The following CHRNA7 variants were observed in gnomAD, a reference collection of about 807,000 sequenced individuals.
CHRNA7 encodes neuronal acetylcholine receptor subunit alpha-7.
A neutral mutation model predicts 48.0 loss-of-function variants in CHRNA7; 17 were observed. That is an observed-to-expected ratio of 0.35 (90% confidence interval 0.24 to 0.53). The LOEUF (loss-of-function observed/expected upper bound fraction) is 0.53, where lower values mean the gene tolerates loss of function less well. Among genes scored for constraint, CHRNA7 ranks in the 20% least tolerant of loss-of-function variants. The pLI is 0.92. For missense variants in CHRNA7, 155 were observed against 577.7 expected, an observed-to-expected ratio of 0.27 and a Z score of 7.50; for synonymous variants, 75 against 242.3, an observed-to-expected ratio of 0.31 and a Z score of 6.41.
chr15:32,140,644 G>A (rs1221130523), intron 4 of CHRNA7, among the ~76,000 whole-genome samples: 1 of 152,206 alleles, frequency 6.6e-6, no homozygotes, highest in Non-Finnish European at 1.5e-5. Context: ...GTATCTCATT[G>A]TGGTTTGGAT....
chr15:32,148,773 A>G (rs1353533893), intron 4 of CHRNA7, among the ~76,000 whole-genome samples: 1 of 152,224 alleles, frequency 6.6e-6, no homozygotes, highest in Non-Finnish European at 1.5e-5. Flanking sequence ...TGGTGTAAGC[A>G]AACACCATGA....
At chr15:32,086,069 T>C (rs2050290402) in intron 2 of CHRNA7, among the ~76,000 whole-genome samples, 1 of 152,164 alleles carries the variant, frequency 6.6e-6, no homozygotes, top group Non-Finnish European at 1.5e-5. Flanking sequence ...TCAAGTTTTC[T>C]TTAAAGATAA....
At chr15:32,073,012 A>G (rs2050082246) in intron 2 of CHRNA7, among the ~76,000 whole-genome samples, 1 of 152,140 alleles carries the variant, frequency 6.6e-6, no homozygotes, top group African/African-American at 2.4e-5. Flanking sequence ...AGCTGTAGGA[A>G]GGGGGCAACC....
chr15:32,108,138 C>A (rs562062116), intron 3 of CHRNA7, among the ~76,000 whole-genome samples: 1 of 152,174 alleles, frequency 6.6e-6, no homozygotes, highest in East Asian at 1.9e-4. Flanking sequence ...CATCCACACA[C>A]ATTTAGAGTT....
At chr15:32,039,275 T>G (rs960830353) in intron 2 of CHRNA7, among the ~76,000 whole-genome samples, 7 of 152,178 alleles carry the variant, frequency 4.6e-5, no homozygotes, top group Non-Finnish European at 1.0e-4. Flanking sequence ...TCTACTCTAA[T>G]TTTTAGTATT....
intron 4 of CHRNA7, among the ~76,000 whole-genome samples, chr15:32,148,780 A>G (rs1312444017): frequency 6.6e-6 from 1 of 152,232 alleles, no homozygotes; most frequent in African/African-American, 2.4e-5. Context: ...AGCAAACACC[A>G]TGATCCAGGC....
intron 2 of CHRNA7, among the ~76,000 whole-genome samples, chr15:32,038,050 G>T (rs959212937): frequency 6.3e-5 from 4 of 63,808 alleles, no homozygotes; most frequent in African/African-American, 8.6e-5. Context: ...TAGGTTTTTT[G>T]GATATGTATA....
chr15:32,056,536 A>C (rs1026061709), intron 2 of CHRNA7, among the ~76,000 whole-genome samples: 2 of 152,166 alleles, frequency 1.3e-5, no homozygotes, highest in African/African-American at 4.8e-5. Flanking sequence ...TAATTATTTA[A>C]TGTGTGTATG....
chr15:32,061,266 C>G (rs1485120024), intron 2 of CHRNA7, among the ~76,000 whole-genome samples: 1 of 152,060 alleles, frequency 6.6e-6, no homozygotes, highest in Admixed American at 6.6e-5. Flanking sequence ...TGGGAGGAAG[C>G]CAGGTAGTGG....
chr15:32,089,108 C>T (rs2050343615), intron 2 of CHRNA7, among the ~76,000 whole-genome samples: 1 of 152,236 alleles, frequency 6.6e-6, no homozygotes, highest in East Asian at 1.9e-4. Context: ...AGAATAAGAT[C>T]TATGTTGAAT....
At chr15:32,125,904 A>C (rs2051057952) in intron 4 of CHRNA7, among the ~76,000 whole-genome samples, 1 of 152,088 alleles carries the variant, frequency 6.6e-6, no homozygotes, top group Non-Finnish European at 1.5e-5. Flanking sequence ...GGAAGTCATG[A>C]ATTTCAGCCC....
chr15:32,031,187 C>A, intron 2 of CHRNA7, 150 bp downstream of exon 2: 1 of 889,704 alleles, frequency 1.1e-6, no homozygotes. Context: ...AGTCTGTCCC[C>A]AGCCTGCCCT....
chr15:32,069,414 G>A (rs920530086), intron 2 of CHRNA7, among the ~76,000 whole-genome samples: 3 of 152,210 alleles, frequency 2.0e-5, no homozygotes, highest in Non-Finnish European at 4.4e-5. Context: ...GGGAGGCTGA[G>A]GCAGGAGGAT....
intron 4 of CHRNA7, chr15:32,112,485 C>G (rs1595460313): frequency 2.6e-6 from 1 of 378,402 alleles, no homozygotes; most frequent in Admixed American, 3.0e-5. Flanking sequence ...TAAACCAAGA[C>G]AGTCTGACTT....
At chr15:32,078,146 C>G (rs1035875615) in intron 2 of CHRNA7, among the ~76,000 whole-genome samples, 1 of 152,132 alleles carries the variant, frequency 6.6e-6, no homozygotes, top group African/African-American at 2.4e-5. Flanking sequence ...TTGTCTCTTT[C>G]AATTACTTTC....
At chr15:32,068,866 A>G (rs553629291) in intron 2 of CHRNA7, among the ~76,000 whole-genome samples, 80 of 152,352 alleles carry the variant, frequency 5.3e-4, no homozygotes, top group African/African-American at 1.9e-3. Flanking sequence ...AAGCAAAAAG[A>G]GACAGAATTA....
At chr15:32,055,990 C>A (rs28820409) in intron 2 of CHRNA7, among the ~76,000 whole-genome samples, 19 of 151,472 alleles carry the variant, frequency 1.3e-4, no homozygotes, top group Admixed American at 4.6e-4. Flanking sequence ...AAAAAAAAAA[C>A]CAAAAAACAA....
intron 2 of CHRNA7, among the ~76,000 whole-genome samples, chr15:32,091,773 A>G (rs1376244061): frequency 6.6e-6 from 1 of 152,200 alleles, no homozygotes; most frequent in Non-Finnish European, 1.5e-5. Flanking sequence ...GCACTCTGCT[A>G]TGGTGTCAGC....
intron 4 of CHRNA7, among the ~76,000 whole-genome samples, chr15:32,114,831 C>T (rs1180339678): frequency 1.3e-5 from 2 of 152,208 alleles, no homozygotes; most frequent in East Asian, 1.9e-4. Context: ...GTCTCTTTCA[C>T]GTGGCATTGG....
Sources: gnomAD v4.1 joint callset for allele counts (sites outside exome capture counted in the v4.1 genomes callset) on GRCh38, gnomAD v4.1.1 for gene constraint, MANE v1.5 for transcripts, NCBI Gene and HGNC (gene_info 2026-07-23, HGNC 2026-07-21) for gene names.